The following ITCH variants were observed in gnomAD, a reference collection of about 807,000 sequenced individuals.
ITCH encodes the protein itchy E3 ubiquitin protein ligase, also known as E3 ubiquitin-protein ligase Itchy homolog.
A neutral mutation model predicts 126.8 loss-of-function variants in ITCH; 28 were observed. The observed-to-expected ratio is 0.22, with a 90% CI of 0.16 to 0.30. ITCH has a LOEUF of 0.30. ITCH is among the 10% of genes least tolerant of loss of function. The probability of loss-of-function intolerance (pLI) is 1.00; values close to 1 mark genes in which losing one functional copy is unlikely to be tolerated. For synonymous variants in ITCH, 342 were observed against 340.0 expected (o/e 1.01, Z -0.06); for missense variants, 631 against 1,032.4 (o/e 0.61, Z 5.33).
intron 4 of ITCH, among the ~76,000 whole-genome samples, chr20:34,410,235 G>C (rs538201964): frequency 3.9e-5 from 6 of 152,112 alleles, no homozygotes; most frequent in Non-Finnish European, 7.4e-5. Flanking sequence ...GGGTGTGGTG[G>C]TGGGTGCCTG....
At chr20:34,507,643 A>G (rs2146584131) in intron 24 of ITCH, 52 bp from the exon 25 acceptor site, 2 of 1,392,464 alleles carry the variant, frequency 1.4e-6, no homozygotes, top group South Asian at 1.2e-5. Flanking sequence ...TACACTACTC[A>G]TTTGATTCTT....
intron 2 of ITCH, among the ~76,000 whole-genome samples, chr20:34,386,125 G>GA (rs1229878079): frequency 7.1e-6 from 1 of 141,094 alleles, no homozygotes; most frequent in Non-Finnish European, 1.5e-5. Flanking sequence ...TTGTTTTTTT[G>GA]AGGCAGAGTC....
chr20:34,386,862 A>G (rs946270094), intron 2 of ITCH, among the ~76,000 whole-genome samples: 2 of 152,282 alleles, frequency 1.3e-5, no homozygotes, highest in East Asian at 1.9e-4. Flanking sequence ...AAGTATGTCT[A>G]TCCCTTTCCA....
At chr20:34,475,405 C>T (rs903945052) in intron 16 of ITCH, among the ~76,000 whole-genome samples, 2 of 152,220 alleles carry the variant, frequency 1.3e-5, no homozygotes, top group Non-Finnish European at 2.9e-5. Context: ...GCAATCCCGG[C>T]ACCTCGGGAG....
intron 3 of ITCH, chr20:34,402,196 C>T: frequency 7.1e-7 from 1 of 1,409,092 alleles, no homozygotes; most frequent in Non-Finnish European, 1.0e-6. Context: ...GGTTCCAGGG[C>T]AGCCAATATT....
chr20:34,468,620 G>A (rs1195108327), intron 14 of ITCH, among the ~76,000 whole-genome samples: 4 of 151,526 alleles, frequency 2.6e-5, no homozygotes, highest in Admixed American at 2.0e-4. Flanking sequence ...GCTAAACCCC[G>A]TCTCTACTAA....
At chr20:34,391,561 A>C (rs2038491461) in intron 2 of ITCH, among the ~76,000 whole-genome samples, 1 of 152,342 alleles carries the variant, frequency 6.6e-6, no homozygotes, top group Admixed American at 6.5e-5. Context: ...TAATATATGA[A>C]TATGCCAATT....
At position 34,503,881 on chromosome 20, in the gene ITCH, T is replaced by G. The variant is rs1206508457; in HGVS notation, c.2417-450T>G. Among the ~76,000 whole-genome samples, 866 of 115,930 alleles carry G rather than the reference T, an allele frequency of 7.5e-3. 19 individuals carry two copies. The highest frequency in any genetic ancestry group is 0.017 in the South Asian group (61 of 3,694). The allele number at this position is 115,930 out of a possible 152,430, so 76.1% of individuals were successfully genotyped here. ...TTTTTTTTTTTTTGGTTTTTTTTTTTTTGGTTTTTTTTTTTTTTGAGATAG... is the reference window on the plus strand; with the variant it reads ...TTTTTTTTTTTTTGGTTTTTTTTTTGTTGGTTTTTTTTTTTTTTGAGATAG... On this transcript the variant is annotated intron_variant, in intron 23 of 24. Coordinates refer to ENST00000374864, the MANE Select transcript of ITCH (RefSeq NM_031483.7).
At chr20:34,428,639 A>T (rs1981869968) in intron 7 of ITCH, among the ~76,000 whole-genome samples, 1 of 152,204 alleles carries the variant, frequency 6.6e-6, no homozygotes, top group African/African-American at 2.4e-5. Flanking sequence ...GCTGGTCTCA[A>T]ACTTTTCACC....
At chr20:34,369,112 G>A (rs149812360) in intron 1 of ITCH, among the ~76,000 whole-genome samples, 16 of 152,146 alleles carry the variant, frequency 1.1e-4, no homozygotes, top group African/African-American at 3.6e-4. Context: ...GGTGGATCAC[G>A]AGGTCAGGAG....
At chr20:34,412,315 A>G (rs900614794) in intron 4 of ITCH, among the ~76,000 whole-genome samples, 200 bp from the exon 5 acceptor site, 1 of 152,238 alleles carries the variant, frequency 6.6e-6, no homozygotes, top group Non-Finnish European at 1.5e-5. Context: ...TTCAACTGCA[A>G]GTGAAAATGA....
intron 2 of ITCH, among the ~76,000 whole-genome samples, chr20:34,393,196 A>G (rs1333249940): frequency 2.0e-5 from 3 of 152,142 alleles, no homozygotes; most frequent in Non-Finnish European, 4.4e-5. Flanking sequence ...CCCCTGTATT[A>G]CTAACAAGCA....
chr20:34,409,139 TC>T (rs55788421), intron 4 of ITCH, among the ~76,000 whole-genome samples: 44,156 of 82,630 alleles, frequency 0.53, 11,391 homozygotes, highest in Admixed American at 0.63. Flanking sequence ...TTATGAGTAC[TC>T]CCCCCCCCCC....
chr20:34,408,579 A>G (rs1469846656), intron 3 of ITCH, 72 bp from the exon 4 acceptor site: 3 of 1,386,136 alleles, frequency 2.2e-6, no homozygotes, highest in African/African-American at 2.9e-5. Flanking sequence ...CTGCCTAATT[A>G]TGAAGTTAAA....
intron 20 of ITCH, among the ~76,000 whole-genome samples, chr20:34,486,358 C>T (rs955021959): frequency 6.7e-6 from 1 of 150,176 alleles, no homozygotes; most frequent in Admixed American, 6.7e-5. Context: ...CAGAGTCTTG[C>T]TCTGTCGCCC....
chr20:34,367,310 T>A (rs1392161522), intron 1 of ITCH, among the ~76,000 whole-genome samples: 2 of 152,132 alleles, frequency 1.3e-5, no homozygotes, highest in Non-Finnish European at 2.9e-5. Flanking sequence ...CCCAAGTAGC[T>A]GCCTCCCAAG....
intron 16 of ITCH, chr20:34,476,544 G>T: frequency 1.1e-6 from 1 of 883,516 alleles, no homozygotes; most frequent in Non-Finnish European, 1.5e-6. Context: ...TCTCATTTGC[G>T]TTGCTGTATA....
At chr20:34,476,513 T>C in intron 16 of ITCH, 7 of 1,136,518 alleles carry the variant, frequency 6.2e-6, no homozygotes, top group Non-Finnish European at 7.7e-6. Context: ...TATTTAAAGA[T>C]AGTTTTAACC....
At chr20:34,413,667 G>C (rs934899722) in intron 5 of ITCH, 75 bp from the exon 6 acceptor site, 3 of 1,348,720 alleles carry the variant, frequency 2.2e-6, no homozygotes, top group African/African-American at 2.9e-5. Context: ...ATTTTTAACA[G>C]TTAATTTTTA....
Sources: allele counts gnomAD v4.1 joint callset (sites outside exome capture counted in the v4.1 genomes callset), GRCh38; gene constraint gnomAD v4.1.1; transcripts MANE v1.5; gene names NCBI Gene and HGNC (gene_info 2026-07-23, HGNC 2026-07-21).